Variants in UCP3 observed in about 807,000 individuals in gnomAD.
UCP3 encodes putative mitochondrial transporter UCP3.
UCP3 carries 24 observed loss-of-function variants against 28.1 expected under a neutral mutation model. That is an observed-to-expected ratio of 0.85 (90% CI 0.62 to 1.20). The LOEUF (loss-of-function observed/expected upper bound fraction) is 1.20. Ranked by LOEUF, UCP3 falls within the 50% of genes most tolerant of loss-of-function variation. The pLI is 0.00. For missense variants in UCP3, 397 were observed against 422.2 expected (o/e 0.94, Z 0.52); for synonymous variants, 184 against 171.2 (o/e 1.07, Z -0.59).
intron 4 of UCP3, among the ~76,000 whole-genome samples, chr11:74,005,525 C>CA (rs1951657200): frequency 6.6e-6 from 1 of 152,250 alleles, no homozygotes; most frequent in South Asian, 2.1e-4. Flanking sequence ...TCCCTCACAT[C>CA]AACCTGCACA....
chr11:74,001,221 G>T lies in UCP3; in HGVS notation c.*191C>A. The T allele has an allele frequency of 1.6e-6, 1 of 607,560 alleles. No homozygotes were observed. Among genetic ancestry groups the T allele is most frequent in the Admixed American group, 2.9e-5 (1 of 34,190 alleles). 37.6% of individuals were successfully genotyped at this position (607,560 alleles called of 1,614,324 possible). On this transcript the variant is annotated 3_prime_UTR_variant, in exon 7 of 7. Coordinates refer to ENST00000314032, the MANE Select transcript of UCP3 (RefSeq NM_003356.4). The stretch of plus-strand genomic sequence containing the variant: ...CATCTTGTCAGTGCAAAACAAAGGT[G>T]TTCTTGAGGCATGGCAGTGAAGACC...
rs17848368 is a variant in UCP3 at position 74,006,298 on chromosome 11, G to A, written c.208C>T (p.Arg70Trp). 91 of 1,611,170 alleles carry A rather than the reference G, an allele frequency of 5.6e-5. No individual in the cohort carries two copies. Among genetic ancestry groups the A allele is most frequent in the East Asian group, 4.9e-4 (22 of 44,860 alleles). ...GVLGTILTMV[R>W]TEGPCSPYNG... ...TAGGGGCTGCAGGGACCCTCAGTCC[G>A]CACCATGGTCAGGATGGTGCCCAGC... Residue 70 changes from arginine (R) to tryptophan (W), a missense_variant, in exon 3 of 7, where the codon CGG (arginine) becomes TGG (tryptophan). Transcript: ENST00000314032.
chr11:74,004,229 C>T (rs752176116), intron 5 of UCP3, among the ~76,000 whole-genome samples: 4 of 152,136 alleles, frequency 2.6e-5, no homozygotes, highest in African/African-American at 4.8e-5. Context: ...AAACTGAAGT[C>T]GGAGAAGGTG....
At chr11:74,004,260 A>G (rs993396524) in intron 5 of UCP3, among the ~76,000 whole-genome samples, 2 of 152,156 alleles carry the variant, frequency 1.3e-5, no homozygotes, top group African/African-American at 4.8e-5. Context: ...GCTTAAAGCT[A>G]TATAGTGAGA....
chr11:74,004,063 T>C, intron 5 of UCP3, 56 bp from the exon 6 acceptor site: 1 of 1,598,740 alleles, frequency 6.3e-7, no homozygotes. Flanking sequence ...TGTCCATATG[T>C]ATGCACTGTT....
chr11:74,006,597 C>T (rs1951669156), intron 2 of UCP3, among the ~76,000 whole-genome samples: 1 of 152,206 alleles, frequency 6.6e-6, no homozygotes, highest in Non-Finnish European at 1.5e-5. Flanking sequence ...ATCAGAGGGA[C>T]AGATTGTTTT....
Position 74,004,159 on chromosome 11 carries a change from G to A in UCP3, c.644-152C>T. 5 of 1,381,990 alleles carry A rather than the reference G, an allele frequency of 3.6e-6. No individual in the cohort carries two copies. The South Asian group carries it at 4.0e-5, about 11-fold the overall frequency. 85.6% of individuals were successfully genotyped at this position (1,381,990 alleles called of 1,614,324 possible). On this transcript the variant is annotated intron_variant, in intron 5 of 6. Transcript: ENST00000314032. ...GTGCCCTGGGCTAAGCTCTTGGTAA[G>A]TACTGGCAAACTAGGCCTGGGCTGA...
chr11:74,001,670 TCTCTC>T (rs1951622715), intron 6 of UCP3, 144 bp from the exon 7 acceptor site: 7 of 705,442 alleles, frequency 9.9e-6, no homozygotes, highest in African/African-American at 2.0e-5. Context: ...TCAGTCTCTC[TCTCTC>T]TTTTTTTTTT....
chr11:74,001,296 A>T lies in UCP3; in HGVS notation c.*116T>A. The stretch of plus-strand genomic sequence containing the variant: ...CTGTTTCTTGAATCAGCAACAAGTA[A>T]ACAACAGTTCTGTAAACATGTGTGG... On this transcript the variant is annotated 3_prime_UTR_variant, in exon 7 of 7. Transcript: ENST00000314032. The T allele has an allele frequency of 3.1e-6, 3 of 982,388 alleles. No individual in the cohort carries two copies. The highest frequency in any genetic ancestry group is 4.7e-6 in the Non-Finnish European group (3 of 642,914). 60.9% of individuals were successfully genotyped at this position (982,388 alleles called of 1,614,324 possible). A position where few individuals can be genotyped will look rare whatever the true frequency, so the allele number is the denominator to read the frequency against.
Position 74,001,484 on chromosome 11 carries a change from C to T in UCP3, c.867G>A (p.Val289=). The change falls in exon 7 of 7, where the codon GTG becomes GTA. Residue 289 remains valine (V), a synonymous_variant. Transcript: ENST00000314032. ...SFLRLGSWNV[V]MFVTYEQLKR... Reference sequence around the variant, plus strand: ...TCAGCTGCTCATAGGTTACGAACATCACCACGTTCCAGGATCCCAAACGCA... The same window carrying T: ...TCAGCTGCTCATAGGTTACGAACATTACCACGTTCCAGGATCCCAAACGCA... 1.2e-6 allele frequency: 2 copies of T among 1,614,150 alleles called. No homozygotes were observed. The highest frequency in any genetic ancestry group is 1.7e-6 in the Non-Finnish European group (2 of 1,180,034).
intron 6 of UCP3, chr11:74,003,557 G>A (rs1163202033): frequency 7.6e-6 from 9 of 1,179,492 alleles, no homozygotes; most frequent in Non-Finnish European, 9.5e-6. Context: ...AGGTCCAGGA[G>A]GTCTCAGGAT....
At position 74,006,326 on chromosome 11, in the gene UCP3, G is replaced by A. The variant is rs746348453; in HGVS notation, c.180C>T (p.Gly60=). ...CCATGGTCAGGATGGTGCCCAGCAC[G>A]CCACGGTACTGCACGAGCCGGGCCG... ...VQTARLVQYR[G]VLGTILTMVR... The change falls in exon 3 of 7, where the codon GGC becomes GGT. Residue 60 remains glycine, a synonymous_variant. Coordinates refer to ENST00000314032, the MANE Select transcript of UCP3 (RefSeq NM_003356.4). 8.7e-6 allele frequency: 14 copies of A among 1,604,428 alleles called. No individual in the cohort carries two copies. Among genetic ancestry groups the A allele is most frequent in the East Asian group, 4.5e-5 (2 of 44,762 alleles).
At position 74,003,944 on chromosome 11, in the gene UCP3, G is replaced by A. The variant is rs934930546; in HGVS notation, c.707C>T (p.Ser236Phe). 1.2e-6 allele frequency: 2 copies of A among 1,614,022 alleles called. No individual in the cohort carries two copies. Among genetic ancestry groups the A allele is most frequent in the Admixed American group, 1.7e-5 (1 of 60,002 alleles). Residue 236 changes from serine to phenylalanine, a missense_variant, in exon 6 of 7, where the codon TCC becomes TTC. Physicochemically the swap from Ser to Phe is radical, Grantham distance 155 (BLOSUM62 -2). Transcript: ENST00000314032. ...GAGFCATVVA[S>F]PVDVVKTRYM... Reference sequence around the variant, plus strand: ...CCGGGTCTTCACCACGTCCACCGGGGAGGCCACCACTGTGGCACAGAAGCC... The same window carrying A: ...CCGGGTCTTCACCACGTCCACCGGGAAGGCCACCACTGTGGCACAGAAGCC...
chr11:74,007,494 A>C (rs538959655), intron 1 of UCP3, among the ~76,000 whole-genome samples: 1 of 151,858 alleles, frequency 6.6e-6, no homozygotes, highest in East Asian at 1.9e-4. Context: ...GCAGTGGTGC[A>C]ATCCAGGCTC....
chr11:74,006,030 T>C (rs536438768), intron 3 of UCP3, 97 bp from the exon 4 acceptor site: 1,578 of 1,560,570 alleles, frequency 1.0e-3, no homozygotes, highest in Non-Finnish European at 1.2e-3. Flanking sequence ...TTCCTTGATG[T>C]CCACTCAGAG....
chr11:74,007,093 G>A lies in UCP3; in HGVS notation c.-51C>T, dbSNP rs1447795906. ...CTTTAGGGCCGAGAGGAGGTCCAAGGAGAGAGGCTGCTCCACAGCCCTGGG... is the reference window on the plus strand; with the variant it reads ...CTTTAGGGCCGAGAGGAGGTCCAAGAAGAGAGGCTGCTCCACAGCCCTGGG... On this transcript the variant is annotated 5_prime_UTR_variant, in exon 2 of 7. Transcript: ENST00000314032. 2.5e-6 allele frequency: 4 copies of A among 1,606,966 alleles called. No individual in the cohort carries two copies. In the South Asian group the frequency reaches 3.3e-5, roughly 13 times the overall value.
At chr11:74,003,608 C>T (rs1951636314) in intron 6 of UCP3, 1 of 1,336,112 alleles carries the variant, frequency 7.5e-7, no homozygotes, top group African/African-American at 1.5e-5. Context: ...TTTACCTATT[C>T]CTGGAGTGTT....
intron 1 of UCP3, among the ~76,000 whole-genome samples, chr11:74,007,946 A>G (rs1303353460): frequency 6.6e-6 from 1 of 152,058 alleles, no homozygotes; most frequent in Non-Finnish European, 1.5e-5. Flanking sequence ...TGGAACCCTC[A>G]TTACTGTAGC....
rs148573606 is a variant in UCP3 at position 74,001,046 on chromosome 11, C to G, written c.*366G>C. 55 of 294,978 alleles carry G rather than the reference C, an allele frequency of 1.9e-4. No homozygotes were observed. The East Asian group carries it at 4.1e-3, about 22-fold the overall frequency. The allele number at this position is 294,978 out of a possible 1,614,324, so 18.3% of individuals were successfully genotyped here. A position where few individuals can be genotyped will look rare whatever the true frequency, so the allele number is the denominator to read the frequency against. On this transcript the variant is annotated 3_prime_UTR_variant, in exon 7 of 7. Transcript: ENST00000314032. ...TCCTGTCCCGTGCTTGCCATCCTTC[C>G]TGCTTATCATTCATTATCTAACCAG...
Sources: gnomAD v4.1 joint callset for allele counts (sites outside exome capture counted in the v4.1 genomes callset) on GRCh38, gnomAD v4.1.1 for gene constraint, MANE v1.5 for transcripts, NCBI Gene and HGNC (gene_info 2026-07-23, HGNC 2026-07-21) for gene names.